Variants in SIN3A observed in about 807,000 individuals in gnomAD.
The protein encoded by SIN3A is SIN3 transcription regulator family member A.
A neutral mutation model predicts 146.1 loss-of-function variants in SIN3A; 14 were observed. The ratio of observed to expected loss-of-function variants is 0.10; its 90% CI spans 0.06 to 0.15. SIN3A has a LOEUF of 0.15. Among genes scored for constraint, SIN3A ranks in the 10% least tolerant of loss-of-function variants. SIN3A has a pLI of 1.00. For missense variants in SIN3A, 1,028 were observed against 1,576.0 expected, an observed-to-expected ratio of 0.65 and a Z score of 5.89; for synonymous variants, 572 against 572.0, an observed-to-expected ratio of 1.00 and a Z score of 0.00.
upstream of SIN3A, among the ~76,000 whole-genome samples, chr15:75,452,674 G>T (rs1440704961): frequency 1.3e-5 from 2 of 152,210 alleles, no homozygotes; most frequent in Non-Finnish European, 2.9e-5. Flanking sequence ...AACAGCCACC[G>T]CCCTGGCAAG....
chr15:75,430,511 G>A, intron 1 of SIN3A, 103 bp from the exon 2 acceptor site: 1 of 788,012 alleles, frequency 1.3e-6, no homozygotes, highest in Non-Finnish European at 1.9e-6. Flanking sequence ...TTGACTCCCA[G>A]AACTGATCAT....
intron 12 of SIN3A, among the ~76,000 whole-genome samples, chr15:75,398,602 C>T (rs369372073): frequency 2.0e-5 from 3 of 151,418 alleles, no homozygotes; most frequent in Non-Finnish European, 4.4e-5. Context: ...GGCTTAAACT[C>T]GTGAGGCAGA....
At chr15:75,430,067 T>G in intron 2 of SIN3A, 120 bp downstream of exon 2, 1 of 728,774 alleles carries the variant, frequency 1.4e-6, no homozygotes, top group Non-Finnish European at 2.2e-6. Flanking sequence ...ATTTTTTTTT[T>G]TACCTTACAC....
upstream of SIN3A, among the ~76,000 whole-genome samples, chr15:75,452,312 TTACAC>T (rs1363191654): frequency 6.6e-6 from 1 of 152,176 alleles, no homozygotes; most frequent in Admixed American, 6.5e-5. Context: ...TGTGGAATGT[TTACAC>T]TAGAGACTGA....
At chr15:75,406,514 C>T (rs945724309) in intron 9 of SIN3A, among the ~76,000 whole-genome samples, 4 of 152,100 alleles carry the variant, frequency 2.6e-5, no homozygotes, top group African/African-American at 7.2e-5. Flanking sequence ...GGTGAAACCC[C>T]GTCTCTACTA....
chr15:75,435,567 G>A (rs1043967883), intron 1 of SIN3A, among the ~76,000 whole-genome samples: 1 of 151,972 alleles, frequency 6.6e-6, no homozygotes, highest in South Asian at 2.1e-4. Flanking sequence ...GCGTGGTGGC[G>A]CATGCCTGTA....
intron 16 of SIN3A, among the ~76,000 whole-genome samples, chr15:75,385,122 G>C (rs1168075074): frequency 6.6e-6 from 1 of 152,160 alleles, no homozygotes; most frequent in Non-Finnish European, 1.5e-5. Flanking sequence ...GCAGTGAGCC[G>C]AGACTGCACC....
chr15:75,450,405 T>C (rs888505011), intron 1 of SIN3A, among the ~76,000 whole-genome samples: 3 of 152,028 alleles, frequency 2.0e-5, no homozygotes, highest in African/African-American at 7.3e-5. Flanking sequence ...CCACGGTAAC[T>C]GAACATCAAG....
Position 75,410,006 on chromosome 15 carries a change from T to C in SIN3A, c.1162-15A>G. ...TTGCTTAAAAGCTGATTAAGACACA[T>C]GAATGAGATTAATGCTCTTATCAAA... On this transcript the variant is annotated splice_polypyrimidine_tract_variant and intron_variant, in intron 7 of 20. Transcript: ENST00000394947. The C allele has an allele frequency of 1.2e-6, 2 of 1,613,834 alleles. No individual in the cohort carries two copies. Among genetic ancestry groups the C allele is most frequent in the South Asian group, 1.1e-5 (1 of 91,070 alleles).
At chr15:75,375,974 T>C (rs1297255535) in intron 19 of SIN3A, 102 bp from the exon 20 acceptor site, 4 of 1,158,288 alleles carry the variant, frequency 3.5e-6, no homozygotes, top group African/African-American at 1.5e-5. Context: ...ATAGTACTCA[T>C]CCCAATTTGT....
intron 17 of SIN3A, among the ~76,000 whole-genome samples, chr15:75,382,659 A>T (rs2072995929): frequency 6.6e-6 from 1 of 152,192 alleles, no homozygotes. Context: ...ATTAAAGACC[A>T]TTTCCGGTCA....
intron 20 of SIN3A, among the ~76,000 whole-genome samples, chr15:75,374,829 G>C (rs1365313438): frequency 2.0e-5 from 3 of 152,198 alleles, no homozygotes; most frequent in African/African-American, 7.2e-5. Context: ...TCCAGTGAAA[G>C]CAAGGCCTGT....
At chr15:75,416,988 T>C (rs1003309351) in intron 3 of SIN3A, among the ~76,000 whole-genome samples, 1 of 152,008 alleles carries the variant, frequency 6.6e-6, no homozygotes. Flanking sequence ...CTCTAAACTT[T>C]CCCTGTTCAG....
At chr15:75,394,990 C>T (rs1326521320) in intron 13 of SIN3A, 127 bp from the exon 14 acceptor site, 1 of 769,590 alleles carries the variant, frequency 1.3e-6, no homozygotes, top group African/African-American at 1.8e-5. Context: ...AAATTACTGG[C>T]AACTTGGGAT....
In SIN3A at chr15:75,451,557, G is replaced by C. The variant is rs2074410395; in HGVS notation, c.-168C>G. 6.8e-6 allele frequency: 1 copy of C among 147,554 alleles called. No homozygotes were observed. Among genetic ancestry groups the C allele is most frequent in the African/African-American group, 2.5e-5 (1 of 39,892 alleles). 9.1% of individuals were successfully genotyped at this position (147,554 alleles called of 1,614,324 possible). A position where few individuals can be genotyped will look rare whatever the true frequency, so the allele number is the denominator to read the frequency against. ...TGCCAGCTACCTCTCCACTAACGAAGCGGTCACAGGCTCCGGTGCCCAGAC... is the reference window on the plus strand; with the variant it reads ...TGCCAGCTACCTCTCCACTAACGAACCGGTCACAGGCTCCGGTGCCCAGAC... On this transcript the variant is annotated 5_prime_UTR_variant, in exon 1 of 21. Transcript: ENST00000394947.
In SIN3A at chr15:75,392,272, G is replaced by C. The variant is rs774788473; in HGVS notation, c.2821C>G (p.Pro941Ala). 1 of 1,613,884 alleles carries C rather than the reference G, an allele frequency of 6.2e-7. No individual in the cohort carries two copies. The highest frequency in any genetic ancestry group is 8.5e-7 in the Non-Finnish European group (1 of 1,179,808). Residue 941 changes from proline to alanine, a missense_variant, in exon 15 of 21, where the codon CCT becomes GCT. Around this residue, in one of 9 missense-constraint regions of SIN3A, gnomAD observed 488 missense variants for 690.2 expected, o/e 0.71. Coordinates refer to ENST00000394947, the MANE Select transcript of SIN3A (RefSeq NM_001145358.2). Reference sequence around the variant, plus strand: ...TCTTTGAGACGTAGCTGAATGGCAGGGCTGTCACTCTTGTCTCGCTTTATG... The same window carrying C: ...TCTTTGAGACGTAGCTGAATGGCAGCGCTGTCACTCTTGTCTCGCTTTATG... ...LGIKRDKSDS[P>A]AIQLRLKEPM...
At chr15:75,446,946 T>C (rs2141633460) in intron 1 of SIN3A, among the ~76,000 whole-genome samples, 1 of 152,198 alleles carries the variant, frequency 6.6e-6, no homozygotes, top group South Asian at 2.1e-4. Context: ...GCTAACTCTT[T>C]TGTATTTTTT....
In SIN3A at chr15:75,392,314, C is replaced by T; in HGVS notation, c.2779G>A (p.Glu927Lys). 1.2e-6 allele frequency: 2 copies of T among 1,614,222 alleles called. No homozygotes were observed. Among genetic ancestry groups the T allele is most frequent in the Non-Finnish European group, 1.7e-6 (2 of 1,180,050 alleles). Reference sequence around the variant, plus strand: ...CGCTTTATGCCCAGCACTTCCCGTTCCCATTCTCTCTCTCGGTTTTCTTCT... The same window carrying T: ...CGCTTTATGCCCAGCACTTCCCGTTTCCATTCTCTCTCTCGGTTTTCTTCT... ...IEEENREREW[E>K]REVLGIKRDK... Residue 927 changes from glutamate to lysine, a missense_variant, in exon 15 of 21, where the codon GAA becomes AAA. Transcript: ENST00000394947.
Position 75,422,563 on chromosome 15 carries a change from T to C in SIN3A, c.366+84A>G. Reference sequence around the variant, plus strand: ...ACAGCTAGTATCTCAGGTTAGAAGTTGTACCACCACAACCAACAAGCTGCA... The same window carrying C: ...ACAGCTAGTATCTCAGGTTAGAAGTCGTACCACCACAACCAACAAGCTGCA... On this transcript the variant is annotated intron_variant, in intron 3 of 20. Transcript: ENST00000394947. The C allele has an allele frequency of 2.8e-6, 4 of 1,453,242 alleles. 1 individual carries two copies. In the South Asian group the frequency reaches 4.5e-5, roughly 17 times the overall value. The allele number at this position is 1,453,242 out of a possible 1,614,324, so 90.0% of individuals were successfully genotyped here. A position where few individuals can be genotyped will look rare whatever the true frequency, so the allele number is the denominator to read the frequency against.
Sources: allele counts gnomAD v4.1 joint callset (sites outside exome capture counted in the v4.1 genomes callset), GRCh38; gene constraint gnomAD v4.1.1; regional missense constraint gnomAD v4.1.1; transcripts MANE v1.5; gene names NCBI Gene and HGNC (gene_info 2026-07-23, HGNC 2026-07-21).